The following WARS2 variants were observed in gnomAD, a reference collection of about 807,000 sequenced individuals.
The protein encoded by WARS2 is tryptophan--tRNA ligase, mitochondrial.
Under a neutral mutation model 36.5 loss-of-function variants are expected in WARS2, and 28 were observed. That is an observed-to-expected ratio of 0.77 (90% CI 0.57 to 1.05). WARS2 has a LOEUF of 1.05. Among genes scored for constraint, WARS2 ranks in the 50% least tolerant of loss-of-function variants. The probability of loss-of-function intolerance (pLI) is 0.00; values close to 1 mark genes in which losing one functional copy is unlikely to be tolerated. For synonymous variants in WARS2, 174 were observed against 178.4 expected (o/e 0.98, Z 0.20); for missense variants, 435 against 456.8 (o/e 0.95, Z 0.44).
At chr1:119,068,357 A>C (rs1037295014) in intron 2 of WARS2, among the ~76,000 whole-genome samples, 2 of 152,196 alleles carry the variant, frequency 1.3e-5, no homozygotes, top group Non-Finnish European at 1.5e-5. Flanking sequence ...TAGTAAGCCA[A>C]GATTTATGTA....
Position 119,080,335 on chromosome 1 carries a change from G to A in WARS2, c.91-3728C>T, listed in dbSNP as rs147521508. On this transcript the variant is annotated intron_variant, in intron 1 of 5. Transcript: ENST00000235521. ...CTTCAAACTCAGAAATTATTCCCCA[G>A]GAGAAATGGAGAAAACAAATTCTTG... Among the ~76,000 whole-genome samples the A allele has an allele frequency of 5.3e-5, 8 of 152,140 alleles. No individual in the cohort carries two copies. The East Asian group carries it at 1.5e-3, about 29-fold the overall frequency.
chr1:119,059,728 C>T (rs999404553), intron 2 of WARS2, among the ~76,000 whole-genome samples: 4 of 152,006 alleles, frequency 2.6e-5, no homozygotes, highest in Admixed American at 2.0e-4. Flanking sequence ...ATTTTCATTG[C>T]GATTGTGAGA....
intron 1 of WARS2, among the ~76,000 whole-genome samples, chr1:119,123,052 T>C (rs186351830): frequency 4.6e-5 from 7 of 152,190 alleles, no homozygotes; most frequent in African/African-American, 1.7e-4. Flanking sequence ...TTTTTCAAGA[T>C]AGAAGATCCA....
chr1:119,085,448 C>T, intron 1 of WARS2: 1 of 1,519,180 alleles, frequency 6.6e-7, no homozygotes. Flanking sequence ...AGTCAGTTGT[C>T]TCTTTTTCTT....
intron 2 of WARS2, among the ~76,000 whole-genome samples, chr1:119,060,692 T>A (rs1186716454): frequency 1.3e-5 from 2 of 152,304 alleles, no homozygotes; most frequent in Non-Finnish European, 2.9e-5. Flanking sequence ...TTTACTCTTT[T>A]AAAAAATGGA....
intron 2 of WARS2, among the ~76,000 whole-genome samples, chr1:119,050,020 T>C (rs1001151333): frequency 2.0e-5 from 3 of 152,146 alleles, no homozygotes; most frequent in African/African-American, 7.2e-5. Context: ...GTACTTTTCA[T>C]TTTTTCAGCG....
intron 1 of WARS2, among the ~76,000 whole-genome samples, chr1:119,106,258 T>A (rs1296892673): frequency 6.6e-6 from 1 of 151,886 alleles, no homozygotes; most frequent in Non-Finnish European, 1.5e-5. Flanking sequence ...TCCCCACTAC[T>A]GGCATCCCAC....
At chr1:119,040,743 T>C (rs1648280570) in intron 4 of WARS2, among the ~76,000 whole-genome samples, 1 of 152,224 alleles carries the variant, frequency 6.6e-6, no homozygotes, top group Admixed American at 6.5e-5. Flanking sequence ...CTATATTTCA[T>C]TTTAATCCTT....
At chr1:119,073,523 C>T (rs767563236) in intron 2 of WARS2, among the ~76,000 whole-genome samples, 274 of 152,268 alleles carry the variant, frequency 1.8e-3, no homozygotes, top group Non-Finnish European at 3.0e-3. Context: ...TCAAAATTCT[C>T]CACAATGGAG....
At chr1:119,046,716 A>T (rs1648882224) in intron 2 of WARS2, among the ~76,000 whole-genome samples, 1 of 151,502 alleles carries the variant, frequency 6.6e-6, no homozygotes, top group Non-Finnish European at 1.5e-5. Flanking sequence ...CCTAGAATTT[A>T]AGGCCTATGC....
chr1:119,131,425 G>T (rs1001444657), intron 1 of WARS2, among the ~76,000 whole-genome samples: 2 of 151,566 alleles, frequency 1.3e-5, no homozygotes, highest in Non-Finnish European at 2.9e-5. Flanking sequence ...GGTCTAGAGA[G>T]GTATTTTGGA....
intron 4 of WARS2, among the ~76,000 whole-genome samples, chr1:119,041,897 C>T (rs1315509701): frequency 6.6e-6 from 1 of 152,190 alleles, no homozygotes; most frequent in Non-Finnish European, 1.5e-5. Flanking sequence ...CTATTAACCA[C>T]TCTGTCCCTC....
chr1:119,042,533 C>T (rs1223859409), intron 3 of WARS2, among the ~76,000 whole-genome samples, 184 bp from the exon 4 acceptor site: 3 of 152,084 alleles, frequency 2.0e-5, no homozygotes, highest in Non-Finnish European at 4.4e-5. Flanking sequence ...CTTCATGCTC[C>T]AGGCTGAGGC....
chr1:119,113,870 T>G (rs4659149), intron 1 of WARS2, among the ~76,000 whole-genome samples: 66,425 of 151,696 alleles, frequency 0.44, 15,605 homozygotes, highest in East Asian at 0.84. Flanking sequence ...AGCACACCTC[T>G]AGCTCTTTTC....
At chr1:119,079,386 C>A (rs1020913458) in intron 1 of WARS2, among the ~76,000 whole-genome samples, 3 of 152,054 alleles carry the variant, frequency 2.0e-5, no homozygotes, top group Non-Finnish European at 1.5e-5. Flanking sequence ...ATTTTAGAAT[C>A]ATCTTGTCAA....
chr1:119,068,485 AG>A (rs751993192), intron 2 of WARS2, among the ~76,000 whole-genome samples: 1 of 152,176 alleles, frequency 6.6e-6, no homozygotes, highest in Non-Finnish European at 1.5e-5. Flanking sequence ...CCCACATTCC[AG>A]AGATGCAAAT....
intron 1 of WARS2, among the ~76,000 whole-genome samples, chr1:119,110,667 G>C (rs587662683): frequency 5.2e-4 from 79 of 151,868 alleles, no homozygotes; most frequent in African/African-American, 1.9e-3. Flanking sequence ...GAGTTTCCTG[G>C]ATCTGTGTTT....
rs587628360 is a variant in WARS2, at chr1:119,110,627, C to T, written c.90+29928G>A. On this transcript the variant is annotated intron_variant, in intron 1 of 5. Coordinates refer to ENST00000235521, the MANE Select transcript of WARS2 (RefSeq NM_015836.4). ...TAGTTTTGGGGGTTTTATTTGTTTG[C>T]TTTTGCACTTATCTTGCTTGGTGGT... is the stretch of plus-strand genomic sequence containing the variant. 5.3e-5 allele frequency among the ~76,000 whole-genome samples: 8 copies of T among 151,480 alleles called. No individual in the cohort carries two copies. In the South Asian group the frequency reaches 1.5e-3, roughly 28 times the overall value.
chr1:119,115,860 C>G (rs1654929623), intron 1 of WARS2, among the ~76,000 whole-genome samples: 1 of 152,120 alleles, frequency 6.6e-6, no homozygotes, highest in Admixed American at 6.5e-5. Flanking sequence ...TTTTTTCTCT[C>G]CCTTCAGGCA....
Sources: allele counts gnomAD v4.1 joint callset (sites outside exome capture counted in the v4.1 genomes callset), GRCh38; gene constraint gnomAD v4.1.1; transcripts MANE v1.5; gene names NCBI Gene and HGNC (gene_info 2026-07-23, HGNC 2026-07-21).